EPG5: variants seen among roughly 807,000 people sequenced by gnomAD.
EPG5 encodes the protein ectopic P-granules 5 autophagy tethering factor.
Under a neutral mutation model 302.7 loss-of-function variants are expected in EPG5, and 159 were observed. The ratio of observed to expected loss-of-function variants is 0.53; its 90% CI spans 0.46 to 0.60. EPG5 has a LOEUF of 0.60. Ranked by LOEUF, EPG5 falls within the 20% of genes least tolerant of loss-of-function variation. The pLI, the probability that EPG5 is intolerant of heterozygous loss-of-function variation, is 0.00. For missense variants in EPG5, 2,896 were observed against 3,092.4 expected, an observed-to-expected ratio of 0.94 and a Z score of 1.51; for synonymous variants, 1,158 against 1,136.8, an observed-to-expected ratio of 1.02 and a Z score of -0.37.
intron 21 of EPG5, among the ~76,000 whole-genome samples, chr18:45,913,179 G>A (rs1205391131): frequency 6.6e-6 from 1 of 151,970 alleles, no homozygotes; most frequent in East Asian, 1.9e-4. Context: ...GATTTCAAAA[G>A]GACATTCGAG....
In EPG5 at chr18:45,952,391, CT is replaced by C; in HGVS notation, c.1252+8del. The stretch of plus-strand genomic sequence containing the variant: ...AAACACAAGAAAGAGAGCTTCATTA[CT>C]TACATACCTCGGCCTTGCTGGTGAA... On this transcript the variant is annotated splice_region_variant and intron_variant, in intron 3 of 43. Coordinates refer to ENST00000282041, the MANE Select transcript of EPG5 (RefSeq NM_020964.3). The C allele has an allele frequency of 6.2e-7, 1 of 1,613,198 alleles. No homozygotes were observed. The highest frequency in any genetic ancestry group is 8.5e-7 in the Non-Finnish European group (1 of 1,179,626).
intron 34 of EPG5, among the ~76,000 whole-genome samples, chr18:45,877,734 G>T (rs902525310): frequency 6.6e-6 from 1 of 152,182 alleles, no homozygotes; most frequent in Non-Finnish European, 1.5e-5. Flanking sequence ...TATGAGACTT[G>T]AGTTTGACAT....
Position 45,852,304 on chromosome 18 carries a change from C to CACA in EPG5, c.*162_*163insTGT. On this transcript the variant is annotated 3_prime_UTR_variant, in exon 44 of 44. Coordinates refer to ENST00000282041, the MANE Select transcript of EPG5 (RefSeq NM_020964.3). ...AAACACACACACACACACACACACA[C>CACA]CCCAAAATTATCTAATATCTAACGC... 2.4e-5 allele frequency: 15 copies of CACA among 613,134 alleles called. No homozygotes were observed. Among genetic ancestry groups the CACA allele is most frequent in the African/African-American group, 3.7e-5 (2 of 53,350 alleles). The allele number at this position is 613,134 out of a possible 1,614,324, so 38.0% of individuals were successfully genotyped here.
chr18:45,845,598 A>T (rs553675787), downstream of EPG5, among the ~76,000 whole-genome samples: 18 of 152,338 alleles, frequency 1.2e-4, no homozygotes, highest in African/African-American at 4.1e-4. Context: ...CAGAGACACG[A>T]GCGGCAGGCT....
chr18:45,852,303 A>ACACC lies in EPG5; in HGVS notation c.*163_*164insGGTG, dbSNP rs558032356. On this transcript the variant is annotated 3_prime_UTR_variant, in exon 44 of 44. Transcript: ENST00000282041. ...AAAACACACACACACACACACACAC[A>ACACC]CCCCAAAATTATCTAATATCTAACG... The ACACC allele has an allele frequency of 1.1e-4, 67 of 604,370 alleles. No individual in the cohort carries two copies. Among genetic ancestry groups the ACACC allele is most frequent in the African/African-American group, 1.0e-3 (56 of 53,384 alleles). The allele number at this position is 604,370 out of a possible 1,614,324, so 37.4% of individuals were successfully genotyped here.
Position 45,893,874 on chromosome 18 carries a change from GTCA to G in EPG5, c.4810-3937_4810-3935del, listed in dbSNP as rs1442337409. ...AAAAGTTCCAATTTCCATGATGTCTGTCATGGCCAAACAATATCCACAAAATTC... is the reference window on the plus strand; with the variant it reads ...AAAAGTTCCAATTTCCATGATGTCTGTGGCCAAACAATATCCACAAAATTC... On this transcript the variant is annotated intron_variant, in intron 27 of 43. Coordinates refer to ENST00000282041, the MANE Select transcript of EPG5 (RefSeq NM_020964.3). Among the ~76,000 whole-genome samples the G allele has an allele frequency of 7.2e-5, 11 of 152,282 alleles. No individual in the cohort carries two copies. In the East Asian group the frequency reaches 2.1e-3, roughly 29 times the overall value.
chr18:45,962,348 T>C (rs58527800), intron 1 of EPG5, among the ~76,000 whole-genome samples: 18,337 of 152,196 alleles, frequency 0.12, 1,530 homozygotes, highest in African/African-American at 0.24. Flanking sequence ...TTACCAGATG[T>C]TCTCACTATT....
chr18:45,839,082 C>A, the EPG5 span: 1 of 1,423,648 alleles, frequency 7.0e-7, no homozygotes, highest in Non-Finnish European at 9.1e-7. Flanking sequence ...CCCGCGCTGC[C>A]CGCCGCCGCC....
chr18:45,823,014 G>A, the EPG5 span, among the ~76,000 whole-genome samples: 3 of 152,158 alleles, frequency 2.0e-5, no homozygotes, highest in South Asian at 6.2e-4. Context: ...TAGGTCAAGG[G>A]ATATACCTAG....
chr18:45,919,171 C>G (rs2050095860), intron 16 of EPG5, among the ~76,000 whole-genome samples: 1 of 152,112 alleles, frequency 6.6e-6, no homozygotes, highest in African/African-American at 2.4e-5. Flanking sequence ...ATATTATATT[C>G]ACAAACAACT....
chr18:45,808,845 T>A, the EPG5 span, among the ~76,000 whole-genome samples: 4 of 152,054 alleles, frequency 2.6e-5, no homozygotes, highest in Admixed American at 1.3e-4. Flanking sequence ...AAACAAGGTA[T>A]ACAGGCAACA....
chr18:45,845,634 G>A (rs898064872), downstream of EPG5, among the ~76,000 whole-genome samples: 6 of 152,214 alleles, frequency 3.9e-5, no homozygotes, highest in Non-Finnish European at 8.8e-5. Flanking sequence ...CCTGCGGCAC[G>A]GAGTCAAGGA....
chr18:45,942,293 T>C (rs778266448), intron 9 of EPG5, among the ~76,000 whole-genome samples: 1 of 152,088 alleles, frequency 6.6e-6, no homozygotes, highest in Non-Finnish European at 1.5e-5. Context: ...ATAAAGCTAA[T>C]GGATACATAT....
At chr18:45,826,438 T>C in the EPG5 span, among the ~76,000 whole-genome samples, 2 of 152,176 alleles carry the variant, frequency 1.3e-5, no homozygotes, top group Non-Finnish European at 2.9e-5. Flanking sequence ...TGCAGGTTCT[T>C]TGGCTCCACC....
At chr18:45,888,996 G>A (rs116708740) in intron 28 of EPG5, among the ~76,000 whole-genome samples, 22 of 152,232 alleles carry the variant, frequency 1.4e-4, no homozygotes, top group Middle Eastern at 3.4e-3. Context: ...AATAAAGATA[G>A]CCCTTCCAAT....
At chr18:45,811,153 A>C in the EPG5 span, among the ~76,000 whole-genome samples, 87 of 152,324 alleles carry the variant, frequency 5.7e-4, 2 homozygotes, top group South Asian at 0.017. Context: ...TATTACTGGA[A>C]GTCCTAGCCA....
In EPG5 at chr18:45,876,458, C is replaced by T. The variant is rs2048973255; in HGVS notation, c.5943-116G>A. Reference sequence around the variant, plus strand: ...GCCTGTCCATTATGTAGGCCTGACACACATTTAGAATACTTAAAAGGCTGT... The same window carrying T: ...GCCTGTCCATTATGTAGGCCTGACATACATTTAGAATACTTAAAAGGCTGT... On this transcript the variant is annotated intron_variant, in intron 34 of 43. Coordinates refer to ENST00000282041, the MANE Select transcript of EPG5 (RefSeq NM_020964.3). 4 of 721,432 alleles carry T rather than the reference C, an allele frequency of 5.5e-6. No individual in the cohort carries two copies. The East Asian group carries it at 8.0e-5, about 14-fold the overall frequency. 44.7% of individuals were successfully genotyped at this position (721,432 alleles called of 1,614,324 possible).
chr18:45,822,720 T>G, the EPG5 span, among the ~76,000 whole-genome samples: 1 of 152,208 alleles, frequency 6.6e-6, no homozygotes, highest in African/African-American at 2.4e-5. Context: ...AAATTGAAGA[T>G]TTTTAAAAGA....
At chr18:45,911,356 G>A (rs2049895479) in intron 22 of EPG5, among the ~76,000 whole-genome samples, 1 of 150,952 alleles carries the variant, frequency 6.6e-6, no homozygotes, top group Admixed American at 6.6e-5. Context: ...CGTGATCACA[G>A]CTCACTGCAA....
Sources: allele counts gnomAD v4.1 joint callset (sites outside exome capture counted in the v4.1 genomes callset), GRCh38; gene constraint gnomAD v4.1.1; transcripts MANE v1.5; gene names NCBI Gene and HGNC (gene_info 2026-07-23, HGNC 2026-07-21).